Variants in TNFRSF19 observed in about 807,000 individuals in gnomAD.
The protein encoded by TNFRSF19 is TNF receptor superfamily member 19.
A neutral mutation model predicts 46.4 loss-of-function variants in TNFRSF19; 27 were observed. That is an observed-to-expected ratio of 0.58 (90% CI 0.43 to 0.80). The LOEUF is 0.80. Ranked by LOEUF, TNFRSF19 falls within the 30% of genes least tolerant of loss-of-function variation. The probability of loss-of-function intolerance (pLI) is 0.00; values close to 1 mark genes in which losing one functional copy is unlikely to be tolerated. For synonymous variants in TNFRSF19, 204 were observed against 205.0 expected (o/e 1.00, Z 0.04); for missense variants, 511 against 530.8 (o/e 0.96, Z 0.37).
chr13:23,600,787 GACTATGGAAAGCTGCCCT>G (rs570648296), intron 3 of TNFRSF19, among the ~76,000 whole-genome samples: 1 of 152,214 alleles, frequency 6.6e-6, no homozygotes, highest in East Asian at 1.9e-4. Context: ...GCCTGCACAG[GACTATGGAAAGCTGCCCT>G]TTCCTTCACA....
At chr13:23,618,755 C>G (rs544116015) in intron 4 of TNFRSF19, among the ~76,000 whole-genome samples, 1 of 152,302 alleles carries the variant, frequency 6.6e-6, no homozygotes, top group East Asian at 1.9e-4. Context: ...AAAACTGAAA[C>G]AACCAAGCTC....
chr13:23,639,062 A>G (rs1160280601), intron 5 of TNFRSF19, among the ~76,000 whole-genome samples: 2 of 152,156 alleles, frequency 1.3e-5, no homozygotes, highest in Non-Finnish European at 2.9e-5. Context: ...AAACATTCAC[A>G]TTTTATACTA....
intron 4 of TNFRSF19, among the ~76,000 whole-genome samples, chr13:23,619,046 T>A (rs902988329): frequency 2.6e-5 from 4 of 152,200 alleles, no homozygotes; most frequent in African/African-American, 9.6e-5. Flanking sequence ...TTCAGAACTA[T>A]GAGAAATAAA....
chr13:23,624,318 C>T (rs1396711391), intron 4 of TNFRSF19, among the ~76,000 whole-genome samples: 1 of 151,592 alleles, frequency 6.6e-6, no homozygotes, highest in Non-Finnish European at 1.5e-5. Flanking sequence ...AAGTATGAGT[C>T]CTCGAACTTT....
chr13:23,656,548 T>C (rs1435652680), intron 5 of TNFRSF19, among the ~76,000 whole-genome samples: 1 of 152,230 alleles, frequency 6.6e-6, no homozygotes, highest in African/African-American at 2.4e-5. Context: ...TTTGTGTCAA[T>C]TGATGAGCTT....
intron 4 of TNFRSF19, among the ~76,000 whole-genome samples, chr13:23,626,210 T>TGTGTGTGTGTGG (rs1478495468): frequency 2.2e-4 from 34 of 151,740 alleles, no homozygotes; most frequent in African/African-American, 8.0e-4. Flanking sequence ...TGTGTGTGTG[T>TGTGTGTGTGTGG]GTGTGTGTGT....
intron 3 of TNFRSF19, among the ~76,000 whole-genome samples, chr13:23,599,068 C>CT (rs1232276823): frequency 6.6e-6 from 1 of 152,172 alleles, no homozygotes; most frequent in African/African-American, 2.4e-5. Flanking sequence ...TGAGTGGTGG[C>CT]TTTTAGTATC....
intron 7 of TNFRSF19, among the ~76,000 whole-genome samples, chr13:23,666,791 G>A (rs1341739248): frequency 1.3e-5 from 2 of 152,202 alleles, no homozygotes; most frequent in African/African-American, 2.4e-5. Context: ...TGGTCTGGAC[G>A]GAGGCCTTGC....
chr13:23,617,475 G>C (rs922429586), intron 4 of TNFRSF19, among the ~76,000 whole-genome samples: 2 of 152,180 alleles, frequency 1.3e-5, no homozygotes, highest in African/African-American at 4.8e-5. Context: ...GTGACAAGGG[G>C]GGTGATCTGT....
intron 9 of TNFRSF19, 146 bp from the exon 10 acceptor site, chr13:23,673,226 T>A: frequency 1.3e-6 from 1 of 780,526 alleles, no homozygotes; most frequent in Non-Finnish European, 1.9e-6. Context: ...TGGATACTAT[T>A]GAATGAGTTT....
chr13:23,580,156 A>C (rs1878307854), intron 1 of TNFRSF19, among the ~76,000 whole-genome samples: 1 of 152,232 alleles, frequency 6.6e-6, no homozygotes, highest in South Asian at 2.1e-4. Flanking sequence ...AAATTTGGCT[A>C]ATATACTCCT....
At chr13:23,606,642 A>T (rs1473929409) in intron 3 of TNFRSF19, among the ~76,000 whole-genome samples, 1 of 152,216 alleles carries the variant, frequency 6.6e-6, no homozygotes, top group Admixed American at 6.5e-5. Flanking sequence ...ATAAAAATGA[A>T]TGAATTTGTG....
intron 3 of TNFRSF19, among the ~76,000 whole-genome samples, chr13:23,597,651 C>T (rs537486401): frequency 3.9e-5 from 6 of 152,172 alleles, no homozygotes; most frequent in South Asian, 2.1e-4. Context: ...GATTCACAGC[C>T]GAATTCTACC....
At chr13:23,646,713 C>A (rs544949132) in intron 5 of TNFRSF19, among the ~76,000 whole-genome samples, 1 of 152,266 alleles carries the variant, frequency 6.6e-6, no homozygotes, top group African/African-American at 2.4e-5. Flanking sequence ...TTGTTTCCAC[C>A]TTTTGGCTAT....
At chr13:23,638,214 G>A (rs12429900) in intron 5 of TNFRSF19, among the ~76,000 whole-genome samples, 39,230 of 151,274 alleles carry the variant, frequency 0.26, 5,507 homozygotes, top group Non-Finnish European at 0.32. Context: ...GGGTAGGGAA[G>A]GTTCCTTTAC....
intron 1 of TNFRSF19, among the ~76,000 whole-genome samples, chr13:23,576,282 T>C (rs1652447590): frequency 6.6e-6 from 1 of 152,030 alleles, no homozygotes; most frequent in Non-Finnish European, 1.5e-5. Context: ...TACAGGCACC[T>C]GCCACCATGC....
chr13:23,649,605 G>GT (rs950374612), intron 5 of TNFRSF19, among the ~76,000 whole-genome samples: 20 of 150,642 alleles, frequency 1.3e-4, no homozygotes, highest in East Asian at 1.9e-4. Context: ...GCTTAGTTTG[G>GT]TTTTTTTTCC....
chr13:23,628,385 C>A (rs1489717394), intron 5 of TNFRSF19, among the ~76,000 whole-genome samples: 1 of 152,184 alleles, frequency 6.6e-6, no homozygotes, highest in African/African-American at 2.4e-5. Flanking sequence ...CATCAAAGGA[C>A]AAGCCCTCTT....
At chr13:23,663,027 G>T (rs547832249) in intron 7 of TNFRSF19, among the ~76,000 whole-genome samples, 1 of 152,086 alleles carries the variant, frequency 6.6e-6, no homozygotes, top group African/African-American at 2.4e-5. Context: ...TTGCCTGATT[G>T]CCCTGGCTAG....
Sources: gnomAD v4.1 joint callset for allele counts (sites outside exome capture counted in the v4.1 genomes callset) on GRCh38, gnomAD v4.1.1 for gene constraint, MANE v1.5 for transcripts, NCBI Gene and HGNC (gene_info 2026-07-23, HGNC 2026-07-21) for gene names.